The following RIMS2 variants were observed in gnomAD, a reference collection of about 807,000 sequenced individuals.
The protein encoded by RIMS2 is regulating synaptic membrane exocytosis 2.
In RIMS2, 59 loss-of-function variants were observed where a neutral mutation model predicts 174.4. The observed-to-expected ratio is 0.34, with a 90% CI of 0.27 to 0.42. The LOEUF is 0.42. RIMS2 is among the 10% of genes least tolerant of loss of function. The pLI is 1.00. For missense variants in RIMS2, 1,620 were observed against 1,666.3 expected (o/e 0.97, Z 0.48); for synonymous variants, 606 against 572.5 (o/e 1.06, Z -0.84).
intron 19 of RIMS2, among the ~76,000 whole-genome samples, chr8:104,181,853 A>C (rs891241613): frequency 6.6e-6 from 1 of 151,664 alleles, no homozygotes; most frequent in African/African-American, 2.4e-5. Context: ...AGGAATATTT[A>C]TGTTTACATA....
chr8:103,664,481 A>G (rs541441924), intron 1 of RIMS2, among the ~76,000 whole-genome samples: 1 of 152,386 alleles, frequency 6.6e-6, no homozygotes, highest in South Asian at 2.1e-4. Flanking sequence ...ATGAACAGAC[A>G]CTTCTCAAAA....
chr8:103,759,457 C>T (rs538875144), intron 2 of RIMS2, among the ~76,000 whole-genome samples: 4 of 147,724 alleles, frequency 2.7e-5, no homozygotes, highest in South Asian at 4.4e-4. Context: ...CCCAGCTACT[C>T]GGGAGGCTGA....
chr8:103,661,669 G>A (rs2096602395), intron 1 of RIMS2, among the ~76,000 whole-genome samples: 1 of 151,990 alleles, frequency 6.6e-6, no homozygotes. Flanking sequence ...ACCCCTGGCT[G>A]ATTTTTTTGT....
chr8:103,646,551 A>G (rs1436312229), intron 1 of RIMS2, among the ~76,000 whole-genome samples: 1 of 152,070 alleles, frequency 6.6e-6, no homozygotes, highest in Non-Finnish European at 1.5e-5. Flanking sequence ...CTCCGCACCC[A>G]GTTCCGACAG....
intron 1 of RIMS2, among the ~76,000 whole-genome samples, chr8:103,694,374 C>T (rs374602212): frequency 2.0e-5 from 3 of 151,832 alleles, no homozygotes; most frequent in South Asian, 2.1e-4. Context: ...CTTGTATCTT[C>T]TGGTGCCATC....
intron 19 of RIMS2, among the ~76,000 whole-genome samples, chr8:104,020,581 T>A (rs375219613): frequency 1.4e-4 from 21 of 152,164 alleles, no homozygotes; most frequent in South Asian, 4.1e-4. Context: ...ATTGGAAGAT[T>A]TACTTTGTTG....
exon 14 of RIMS2, chr8:103,942,853 G>A (rs2082851149): frequency 1.9e-6 from 3 of 1,612,998 alleles, no homozygotes; most frequent in South Asian, 2.2e-5. Flanking sequence ...TCTCTTCATT[G>A]CCACTTCCCC....
At chr8:103,762,075 T>C (rs1035830923) in intron 2 of RIMS2, among the ~76,000 whole-genome samples, 4 of 151,914 alleles carry the variant, frequency 2.6e-5, no homozygotes, top group African/African-American at 9.7e-5. Context: ...ATGGTTATTA[T>C]TTTTGTGGTT....
At chr8:103,506,050 G>A (rs985266033) in intron 1 of RIMS2, among the ~76,000 whole-genome samples, 1 of 151,876 alleles carries the variant, frequency 6.6e-6, no homozygotes, top group Non-Finnish European at 1.5e-5. Context: ...CCCTATTCTA[G>A]TATTTTTAAA....
chr8:103,719,586 G>A (rs2097420108), intron 2 of RIMS2, among the ~76,000 whole-genome samples: 1 of 152,122 alleles, frequency 6.6e-6, no homozygotes, highest in Non-Finnish European at 1.5e-5. Flanking sequence ...AAATTACTAT[G>A]AACATGTTGG....
intron 1 of RIMS2, among the ~76,000 whole-genome samples, chr8:103,587,454 AAGAAAGAAAGAAAG>A (rs1200848612): frequency 9.0e-5 from 11 of 121,850 alleles, no homozygotes; most frequent in Admixed American, 2.3e-4. Flanking sequence ...GAAAGAAAGA[AAGAAAGAAAGAAAG>A]AAACTATGCA....
chr8:103,922,871 A>T (rs896101962), intron 10 of RIMS2, among the ~76,000 whole-genome samples: 1 of 151,982 alleles, frequency 6.6e-6, no homozygotes, highest in Admixed American at 6.6e-5. Flanking sequence ...ATCATTAGAC[A>T]TGTCTTTTTT....
At chr8:104,072,105 CAACAA>C (rs1242410054) in intron 19 of RIMS2, among the ~76,000 whole-genome samples, 2 of 152,136 alleles carry the variant, frequency 1.3e-5, no homozygotes, top group African/African-American at 4.8e-5. Flanking sequence ...TTTTGTACCA[CAACAA>C]AGCATTTCTT....
chr8:103,589,955 G>A (rs2094165250), intron 1 of RIMS2, among the ~76,000 whole-genome samples: 1 of 151,290 alleles, frequency 6.6e-6, no homozygotes, highest in Admixed American at 6.6e-5. Flanking sequence ...GGGGCTCTAG[G>A]GGGAGGTGGG....
intron 19 of RIMS2, among the ~76,000 whole-genome samples, chr8:104,146,937 G>A (rs952566649): frequency 5.3e-5 from 8 of 152,026 alleles, no homozygotes; most frequent in South Asian, 2.1e-4. Flanking sequence ...TTAAGCAGTC[G>A]TCATGCCTCA....
At chr8:104,222,235 A>G (rs1490160828) in intron 19 of RIMS2, among the ~76,000 whole-genome samples, 2 of 152,136 alleles carry the variant, frequency 1.3e-5, no homozygotes, top group East Asian at 3.9e-4. Context: ...TCATGAGAGC[A>G]GGGATTTTTT....
chr8:104,100,460 TC>T (rs1487022944), intron 19 of RIMS2, among the ~76,000 whole-genome samples: 1 of 152,092 alleles, frequency 6.6e-6, no homozygotes, highest in African/African-American at 2.4e-5. Context: ...ATGAATCTCC[TC>T]TGCTATGTTG....
At chr8:103,726,889 C>A (rs2138688508) in intron 2 of RIMS2, among the ~76,000 whole-genome samples, 2 of 150,868 alleles carry the variant, frequency 1.3e-5, no homozygotes, top group South Asian at 2.1e-4. Context: ...TAGGCACGTG[C>A]CATCATGCCC....
chr8:103,832,242 A>G (rs1219877489), intron 3 of RIMS2, among the ~76,000 whole-genome samples: 1 of 152,108 alleles, frequency 6.6e-6, no homozygotes, highest in Non-Finnish European at 1.5e-5. Context: ...TGCCTTTTAC[A>G]TAGAGTATTT....
Sources: gnomAD v4.1 joint callset for allele counts (sites outside exome capture counted in the v4.1 genomes callset) on GRCh38, gnomAD v4.1.1 for gene constraint, MANE v1.5 for transcripts, NCBI Gene and HGNC (gene_info 2026-07-23, HGNC 2026-07-21) for gene names.